Variants in FER observed in about 807,000 individuals in gnomAD.
The protein encoded by FER is tyrosine-protein kinase Fer.
FER carries 63 observed loss-of-function variants against 111.0 expected under a neutral mutation model. That is an observed-to-expected ratio of 0.57 (90% CI 0.46 to 0.70). The LOEUF is 0.70. Among genes scored for constraint, FER ranks in the 30% least tolerant of loss-of-function variants. The probability of loss-of-function intolerance (pLI) is 0.00; values close to 1 mark genes in which losing one functional copy is unlikely to be tolerated. For synonymous variants in FER, 327 were observed against 313.9 expected (o/e 1.04, Z -0.44); for missense variants, 914 against 954.0 (o/e 0.96, Z 0.55).
chr5:109,033,859 A>T (rs1177741719), intron 13 of FER, among the ~76,000 whole-genome samples: 2 of 152,176 alleles, frequency 1.3e-5, no homozygotes, highest in Non-Finnish European at 2.9e-5. Context: ...TTTAATTAAC[A>T]AATAATAATT....
intron 17 of FER, among the ~76,000 whole-genome samples, chr5:109,146,288 A>ATATATATATATATATATATATC (rs1554148405): frequency 8.7e-6 from 1 of 115,436 alleles, no homozygotes; most frequent in Non-Finnish European, 1.8e-5. Context: ...ATATATATAT[A>ATATATATATATATATATATATC]TATCTTGGGT....
chr5:108,818,865 A>G (rs112972895), intron 3 of FER, among the ~76,000 whole-genome samples: 81 of 152,318 alleles, frequency 5.3e-4, no homozygotes, highest in African/African-American at 1.5e-3. Context: ...AGATGTGCTC[A>G]TACTACAAAG....
chr5:109,052,297 C>A (rs547173642), intron 16 of FER: 2 of 1,608,930 alleles, frequency 1.2e-6, no homozygotes, highest in East Asian at 2.2e-5. Context: ...CTGAGTGTTA[C>A]AACGAAAGGC....
intron 3 of FER, among the ~76,000 whole-genome samples, chr5:108,805,723 C>T (rs943762547): frequency 4.6e-5 from 7 of 152,094 alleles, no homozygotes; most frequent in East Asian, 3.9e-4. Context: ...AGAGATTTAT[C>T]GAAATTTGAA....
intron 3 of FER, among the ~76,000 whole-genome samples, chr5:108,805,716 G>C (rs1226348155): frequency 6.6e-6 from 1 of 152,164 alleles, no homozygotes; most frequent in African/African-American, 2.4e-5. Context: ...CTGCCCTAGA[G>C]ATTTATCGAA....
At chr5:109,165,615 T>G (rs986381357) in intron 17 of FER, among the ~76,000 whole-genome samples, 2 of 145,488 alleles carry the variant, frequency 1.4e-5, no homozygotes, top group Non-Finnish European at 3.1e-5. Flanking sequence ...TGTGTGTGTG[T>G]GTGTGTGTGT....
intron 17 of FER, among the ~76,000 whole-genome samples, chr5:109,126,743 C>T (rs988092092): frequency 6.6e-6 from 1 of 151,962 alleles, no homozygotes; most frequent in Non-Finnish European, 1.5e-5. Context: ...TCATCTTAGG[C>T]AAGAGAGGCA....
intron 16 of FER, among the ~76,000 whole-genome samples, chr5:109,085,831 C>T (rs1396965158): frequency 2.0e-5 from 3 of 151,640 alleles, no homozygotes; most frequent in Non-Finnish European, 3.0e-5. Context: ...TTCTCCTTTT[C>T]CCCTTATGAT....
rs148275728 is a variant in FER at position 109,135,352 on chromosome 5, G to T, written c.2048+34833G>T. Among the ~76,000 whole-genome samples, 301 of 152,316 alleles carry T rather than the reference G, an allele frequency of 2.0e-3. 2 individuals carry two copies. The highest frequency in any genetic ancestry group is 6.6e-3 in the African/African-American group (273 of 41,564). On this transcript the variant is annotated intron_variant, in intron 17 of 19. Transcript: ENST00000281092. ...AAACTGAAGTACAGAGAGGTTAAGT[G>T]ATTTTCTCCAGATCATATAAGTGAC...
chr5:108,759,515 T>C (rs1751480779), intron 1 of FER, among the ~76,000 whole-genome samples: 1 of 152,242 alleles, frequency 6.6e-6, no homozygotes, highest in African/African-American at 2.4e-5. Flanking sequence ...GTTTCTGTCT[T>C]AGTCCATTTT....
At chr5:108,781,428 G>T (rs1301691268) in intron 2 of FER, among the ~76,000 whole-genome samples, 1 of 152,146 alleles carries the variant, frequency 6.6e-6, no homozygotes, top group African/African-American at 2.4e-5. Context: ...CTGACCTCAG[G>T]TGATCCACCT....
chr5:109,042,630 C>A (rs1309953769), intron 14 of FER, among the ~76,000 whole-genome samples: 1 of 151,982 alleles, frequency 6.6e-6, no homozygotes, highest in African/African-American at 2.4e-5. Flanking sequence ...AGGGCAGAAA[C>A]CATTAGAAAG....
intron 16 of FER, among the ~76,000 whole-genome samples, chr5:109,080,819 G>A (rs1281560688): frequency 6.6e-6 from 1 of 152,082 alleles, no homozygotes; most frequent in African/African-American, 2.4e-5. Context: ...AGATTGGATC[G>A]AGAGTTGAGA....
At chr5:108,951,709 C>A (rs1757775974) in intron 11 of FER, among the ~76,000 whole-genome samples, 1 of 151,926 alleles carries the variant, frequency 6.6e-6, no homozygotes, top group Admixed American at 6.6e-5. Context: ...ATTTTTGATG[C>A]TGTTTTATTC....
intron 1 of FER, among the ~76,000 whole-genome samples, chr5:108,753,331 A>G (rs535124484): frequency 2.0e-5 from 3 of 152,168 alleles, no homozygotes; most frequent in Non-Finnish European, 4.4e-5. Context: ...ATTTGCATTT[A>G]TACAAATAAA....
chr5:108,867,749 A>AC lies in FER; in HGVS notation c.482-18_482-17insC. ...TCTTATCTCTTTACTAACTTTCTTC[A>AC]GTTTTTTTTTTTTTCAGGGAAGGAA... On this transcript the variant is annotated splice_polypyrimidine_tract_variant and intron_variant, in intron 5 of 19. Transcript: ENST00000281092. 6.8e-7 allele frequency: 1 copy of AC among 1,462,912 alleles called. No homozygotes were observed. Among genetic ancestry groups the AC allele is most frequent in the South Asian group, 1.2e-5 (1 of 82,790 alleles). The allele number at this position is 1,462,912 out of a possible 1,614,324, so 90.6% of individuals were successfully genotyped here. A position where few individuals can be genotyped will look rare whatever the true frequency, so the allele number is the denominator to read the frequency against.
At chr5:109,121,786 C>T (rs1379599107) in intron 17 of FER, among the ~76,000 whole-genome samples, 1 of 151,946 alleles carries the variant, frequency 6.6e-6, no homozygotes, top group Non-Finnish European at 1.5e-5. Flanking sequence ...TGTTATTGGT[C>T]TGTTCAGAAT....
intron 2 of FER, among the ~76,000 whole-genome samples, chr5:108,797,889 C>T (rs1053747853): frequency 3.3e-5 from 5 of 152,130 alleles, no homozygotes; most frequent in South Asian, 2.1e-4. Context: ...TCTTCCTTTC[C>T]GATCTGAATG....
chr5:109,048,482 C>A (rs1178519671), intron 16 of FER, among the ~76,000 whole-genome samples: 1 of 152,166 alleles, frequency 6.6e-6, no homozygotes, highest in African/African-American at 2.4e-5. Context: ...AAAGGTGATT[C>A]TGGTCTTACT....
Sources: gnomAD v4.1 joint callset for allele counts (sites outside exome capture counted in the v4.1 genomes callset) on GRCh38, gnomAD v4.1.1 for gene constraint, MANE v1.5 for transcripts, NCBI Gene and HGNC (gene_info 2026-07-23, HGNC 2026-07-21) for gene names.